The following ZNF160 variants were observed in gnomAD, a reference collection of about 807,000 sequenced individuals.
The protein encoded by ZNF160 is KRAB zinc finger protein KR18.
ZNF160 carries 9 observed loss-of-function variants against 13.1 expected under a neutral mutation model. That is an observed-to-expected ratio of 0.69 (90% confidence interval 0.41 to 1.20). The LOEUF (loss-of-function observed/expected upper bound fraction) is 1.20, where lower values mean the gene tolerates loss of function less well. Among genes scored for constraint, ZNF160 ranks in the 50% most tolerant of loss-of-function variants. The pLI is 0.01. For missense variants in ZNF160, 838 were observed against 988.0 expected (o/e 0.85, Z 2.04); for synonymous variants, 293 against 333.2 (o/e 0.88, Z 1.31).
At chr19:53,088,713 T>G (rs976330688) in intron 2 of ZNF160, among the ~76,000 whole-genome samples, 1 of 152,144 alleles carries the variant, frequency 6.6e-6, no homozygotes, top group Non-Finnish European at 1.5e-5. Context: ...AAAAAATTGT[T>G]CATACTACTC....
intron 4 of ZNF160, among the ~76,000 whole-genome samples, chr19:53,074,494 T>C (rs992441994): frequency 2.6e-5 from 4 of 151,776 alleles, no homozygotes; most frequent in South Asian, 2.1e-4. Flanking sequence ...GGTGAAACCC[T>C]GTCTCTACTA....
intron 5 of ZNF160, 137 bp from the exon 6 acceptor site, chr19:53,070,399 T>G: frequency 1.0e-6 from 1 of 970,460 alleles, no homozygotes; most frequent in Non-Finnish European, 1.4e-6. Flanking sequence ...GAATTTCAAT[T>G]GTTAGGAACA....
At chr19:53,099,106 A>G (rs944572615) in intron 1 of ZNF160, among the ~76,000 whole-genome samples, 1 of 116,656 alleles carries the variant, frequency 8.6e-6, no homozygotes, top group Admixed American at 8.0e-5. Context: ...GAGACACAAA[A>G]CACTCAAAAT....
At chr19:53,091,198 A>T (rs536706617) in intron 2 of ZNF160, 18 of 152,178 alleles carry the variant, frequency 1.2e-4, no homozygotes, top group South Asian at 2.1e-4. Context: ...AATATATATA[A>T]AAAAAATTAT....
intron 5 of ZNF160, chr19:53,073,392 G>A: frequency 6.3e-7 from 1 of 1,598,444 alleles, no homozygotes; most frequent in Non-Finnish European, 8.5e-7. Context: ...GGCAAAAGCA[G>A]AATGGAAGAA....
chr19:53,081,197 A>G (rs2145718437), intron 3 of ZNF160, among the ~76,000 whole-genome samples: 1 of 152,274 alleles, frequency 6.6e-6, no homozygotes, highest in Non-Finnish European at 1.5e-5. Context: ...TATATGCAGC[A>G]AAATAAATGC....
At chr19:53,072,871 T>C (rs1381657600) in intron 5 of ZNF160, 8 of 756,906 alleles carry the variant, frequency 1.1e-5, no homozygotes, top group Non-Finnish European at 1.3e-5. Flanking sequence ...TTATTGTCCG[T>C]GGAATAATAA....
At chr19:53,090,478 CTCTT>C (rs1280599280) in intron 2 of ZNF160, among the ~76,000 whole-genome samples, 1 of 152,224 alleles carries the variant, frequency 6.6e-6, no homozygotes, top group African/African-American at 2.4e-5. Context: ...TCTCCTGTCT[CTCTT>C]TCTCCTGATC....
chr19:53,085,960 G>A (rs750962386), intron 3 of ZNF160: 67 of 1,218,802 alleles, frequency 5.5e-5, no homozygotes, highest in Non-Finnish European at 7.1e-5. Context: ...ATCCAGATGC[G>A]GCCCCTGAGC....
At chr19:53,100,961 CA>C (rs1322657186) in intron 1 of ZNF160, among the ~76,000 whole-genome samples, 9 of 150,076 alleles carry the variant, frequency 6.0e-5, no homozygotes, top group Non-Finnish European at 1.2e-4. Flanking sequence ...ACAGCCTGGG[CA>C]TCAGAGTACC....
chr19:53,073,990 A>G (rs1479905716), intron 5 of ZNF160, 150 bp downstream of exon 5: 6 of 713,734 alleles, frequency 8.4e-6, no homozygotes, highest in South Asian at 1.9e-5. Flanking sequence ...GGGTTTCACA[A>G]TGTTGGTCAG....
chr19:53,090,590 T>C (rs541320582), intron 2 of ZNF160, among the ~76,000 whole-genome samples: 10 of 152,328 alleles, frequency 6.6e-5, no homozygotes, highest in South Asian at 6.2e-4. Context: ...CAAAAGAACA[T>C]TGGAGGTGAA....
Position 53,067,192 on chromosome 19 carries a change from C to T in ZNF160, c.*885G>A, listed in dbSNP as rs1020914607. Reference sequence around the variant, plus strand: ...CTTTTCCCCTGCAGTATTTCTACCACACAATCAGTGTCTAATTACCTATTA... The same window carrying T: ...CTTTTCCCCTGCAGTATTTCTACCATACAATCAGTGTCTAATTACCTATTA... On this transcript the variant is annotated 3_prime_UTR_variant, in exon 6 of 6. Coordinates refer to ENST00000683776, the MANE Select transcript of ZNF160 (RefSeq NM_001322131.2). The T allele has an allele frequency of 6.6e-6, 1 of 152,206 alleles. No homozygotes were observed. Among genetic ancestry groups the T allele is most frequent in the Non-Finnish European group, 1.5e-5 (1 of 68,050 alleles). The allele number at this position is 152,206 out of a possible 1,614,324, so 9.4% of individuals were successfully genotyped here.
intron 3 of ZNF160, among the ~76,000 whole-genome samples, chr19:53,080,434 A>G (rs1161298712): frequency 6.6e-6 from 1 of 152,230 alleles, no homozygotes; most frequent in African/African-American, 2.4e-5. Flanking sequence ...ATAATGTTCA[A>G]GCTGAGAAAC....
At chr19:53,086,741 G>T (rs2084850306) in intron 2 of ZNF160, among the ~76,000 whole-genome samples, 1 of 152,082 alleles carries the variant, frequency 6.6e-6, no homozygotes, top group Admixed American at 6.6e-5. Flanking sequence ...ACAGAATAGA[G>T]TCAACTTTAA....
At chr19:53,101,701 C>G (rs771398100) in intron 1 of ZNF160, among the ~76,000 whole-genome samples, 1 of 152,152 alleles carries the variant, frequency 6.6e-6, no homozygotes, top group Non-Finnish European at 1.5e-5. Flanking sequence ...TGCCCCCACC[C>G]TACCCCATCC....
chr19:53,093,300 C>T (rs938252847), intron 1 of ZNF160, among the ~76,000 whole-genome samples: 3 of 152,054 alleles, frequency 2.0e-5, no homozygotes, highest in African/African-American at 4.8e-5. Context: ...ATTAGCCAGG[C>T]GCGGTGGCAG....
At chr19:53,071,370 G>A (rs754800584) in intron 5 of ZNF160, among the ~76,000 whole-genome samples, 7 of 151,748 alleles carry the variant, frequency 4.6e-5, no homozygotes, top group Non-Finnish European at 8.8e-5. Context: ...GGTCAACATG[G>A]CAAAACTCTG....
At chr19:53,089,482 T>A (rs2084957566) in intron 2 of ZNF160, among the ~76,000 whole-genome samples, 1 of 152,082 alleles carries the variant, frequency 6.6e-6, no homozygotes, top group Non-Finnish European at 1.5e-5. Context: ...CCCAACCCCA[T>A]CCCAGGGAAA....
Sources: allele counts gnomAD v4.1 joint callset (sites outside exome capture counted in the v4.1 genomes callset), GRCh38; gene constraint gnomAD v4.1.1; transcripts MANE v1.5; gene names NCBI Gene and HGNC (gene_info 2026-07-23, HGNC 2026-07-21).